KRABD2: variants seen among roughly 807,000 people sequenced by gnomAD.
KRABD2 encodes KRAB domain-containing protein 2.
chr17:8,369,048 T>C, the KRABD2 span: 1 of 1,511,778 alleles, frequency 6.6e-7, no homozygotes, highest in South Asian at 1.4e-5. Flanking sequence ...CAGCCTTCAA[T>C]CTTTTCCTCT....
chr17:8,375,557 G>T, the KRABD2 span, among the ~76,000 whole-genome samples: 2 of 149,312 alleles, frequency 1.3e-5, no homozygotes, highest in Non-Finnish European at 3.0e-5. Flanking sequence ...TTTTGAGAGG[G>T]TAGGGTCTCA....
chr17:8,375,893 C>G, the KRABD2 span: 3 of 1,228,322 alleles, frequency 2.4e-6, no homozygotes, highest in Non-Finnish European at 3.0e-6. Context: ...TTACTCCCTT[C>G]ACCCACCTGT....
the KRABD2 span, among the ~76,000 whole-genome samples, chr17:8,360,847 C>T: frequency 1.3e-5 from 2 of 152,186 alleles, no homozygotes; most frequent in Non-Finnish European, 2.9e-5. Flanking sequence ...GCAGAGGTAA[C>T]GGGCTCATGC....
the KRABD2 span, among the ~76,000 whole-genome samples, chr17:8,360,174 A>G: frequency 1.3e-5 from 2 of 152,220 alleles, no homozygotes; most frequent in Non-Finnish European, 2.9e-5. Context: ...AGCAATTCAA[A>G]TTACATAGAA....
At chr17:8,363,964 G>A in the KRABD2 span, among the ~76,000 whole-genome samples, 2 of 150,574 alleles carry the variant, frequency 1.3e-5, no homozygotes, top group African/African-American at 2.4e-5. Context: ...TGCCTCCCGA[G>A]TTCAAGTGAT....
At chr17:8,371,606 CA>C in the KRABD2 span, 1 of 1,490,428 alleles carries the variant, frequency 6.7e-7, no homozygotes, top group Non-Finnish European at 9.0e-7. Flanking sequence ...TCACATCTAA[CA>C]AGATGAGTAC....
At chr17:8,371,222 G>A in the KRABD2 span, 1 of 1,209,098 alleles carries the variant, frequency 8.3e-7, no homozygotes, top group Non-Finnish European at 1.2e-6. Context: ...GGGGAATCGA[G>A]AAGAAAGCTG....
chr17:8,360,001 C>A, the KRABD2 span: 1 of 375,358 alleles, frequency 2.7e-6, no homozygotes, highest in Non-Finnish European at 5.3e-6. Context: ...TAGGAGTGAG[C>A]CATCTGTGTG....
the KRABD2 span, among the ~76,000 whole-genome samples, chr17:8,373,149 CTCTCCGTCTCCG>C: frequency 1.1e-3 from 169 of 150,198 alleles, no homozygotes; most frequent in African/African-American, 2.6e-3. Context: ...CTCTCTCCCT[CTCTCCGTCTCCG>C]TCTCCGTCTC....
At chr17:8,363,830 CATATATATATATATATATATAT>C in the KRABD2 span, among the ~76,000 whole-genome samples, 4 of 87,014 alleles carry the variant, frequency 4.6e-5, no homozygotes, top group Non-Finnish European at 8.4e-5. Context: ...ATATATCATA[CATATATATATATATATATATAT>C]ATATATATAT....
the KRABD2 span, among the ~76,000 whole-genome samples, chr17:8,374,937 C>CAAAAAAAAAAAAAAAAAAAAAAAAAAAA: frequency 2.2e-4 from 10 of 46,178 alleles, no homozygotes; most frequent in East Asian, 1.1e-3. Flanking sequence ...GACTCTGTCA[C>CAAAAAAAAAAAAAAAAAAAAAAAAAAAA]AAAAAAAAAA....
chr17:8,363,762 A>C, the KRABD2 span, among the ~76,000 whole-genome samples: 1 of 148,506 alleles, frequency 6.7e-6, no homozygotes, highest in African/African-American at 2.5e-5. Context: ...ACATACATAT[A>C]TATATCATAC....
the KRABD2 span, chr17:8,373,711 C>T: frequency 6.1e-6 from 1 of 164,538 alleles, no homozygotes; most frequent in Admixed American, 6.4e-5. Flanking sequence ...GGCCGCCATC[C>T]CGTCTGGGAA....
At chr17:8,364,380 A>G in the KRABD2 span, among the ~76,000 whole-genome samples, 7 of 151,938 alleles carry the variant, frequency 4.6e-5, no homozygotes, top group African/African-American at 1.7e-4. The surrounding 1 kb of genome is among the most constrained non-coding windows in gnomAD (Gnocchi z 4.4). Flanking sequence ...TTCTGGAAAC[A>G]GGGTCTCTGT....
At chr17:8,371,196 A>T in the KRABD2 span, 1 of 951,566 alleles carries the variant, frequency 1.1e-6, no homozygotes, top group Non-Finnish European at 1.6e-6. Flanking sequence ...ATGGCTGAGG[A>T]GTCTGTCCTT....
chr17:8,373,568 G>A, the KRABD2 span: 4 of 186,136 alleles, frequency 2.1e-5, no homozygotes, highest in Non-Finnish European at 4.4e-5. Context: ...CCAAAGTGCC[G>A]AGATTGTAGC....
the KRABD2 span, among the ~76,000 whole-genome samples, chr17:8,362,585 AAAC>A: frequency 4.6e-5 from 7 of 152,216 alleles, no homozygotes; most frequent in African/African-American, 1.4e-4. This position sits in a 1 kb window ranked among gnomAD's most constrained non-coding sequence, Gnocchi z 4.2. Flanking sequence ...CGGTGGCTTG[AAAC>A]AACAACATTC....
At chr17:8,375,396 C>G in the KRABD2 span, among the ~76,000 whole-genome samples, 4 of 152,224 alleles carry the variant, frequency 2.6e-5, no homozygotes, top group Non-Finnish European at 5.9e-5. Context: ...GATGGAGAGG[C>G]GGCATCTTCC....
chr17:8,373,140 T>TCTCTCCATCTCCGTCTCCACGGTCTCC, the KRABD2 span, among the ~76,000 whole-genome samples: 1 of 100,576 alleles, frequency 9.9e-6, no homozygotes, highest in Non-Finnish European at 2.1e-5. Context: ...TCCCTCTCCC[T>TCTCTCCATCTCCGTCTCCACGGTCTCC]CTCTCCCTCT....
Sources: gnomAD v4.1 joint callset for allele counts (sites outside exome capture counted in the v4.1 genomes callset) on GRCh38, gnomAD v4.1.1 for gene constraint, Gnocchi (gnomAD v3.1) non-coding constraint, MANE v1.5 for transcripts, NCBI Gene and HGNC (gene_info 2026-07-23, HGNC 2026-07-21) for gene names.